The following LMX1B variants were observed in gnomAD, a reference collection of about 807,000 sequenced individuals.
LMX1B encodes LIM homeobox transcription factor 1-beta.
A neutral mutation model predicts 51.4 loss-of-function variants in LMX1B; 12 were observed. The ratio of observed to expected loss-of-function variants is 0.23; its 90% CI spans 0.15 to 0.38. The LOEUF is 0.38. Among genes scored for constraint, LMX1B ranks in the 10% least tolerant of loss-of-function variants. LMX1B has a pLI of 1.00. For missense variants in LMX1B, 445 were observed against 571.1 expected, an observed-to-expected ratio of 0.78 and a Z score of 2.25; for synonymous variants, 237 against 235.4, an observed-to-expected ratio of 1.01 and a Z score of -0.06.
At chr9:126,676,037 A>T (rs1836552584) in intron 2 of LMX1B, among the ~76,000 whole-genome samples, 1 of 144,428 alleles carries the variant, frequency 6.9e-6, no homozygotes, top group African/African-American at 2.7e-5. Flanking sequence ...CGACAGAGCG[A>T]GACTCCGTCT....
chr9:126,651,902 G>A lies in LMX1B; in HGVS notation c.326+36333G>A, dbSNP rs551954622. ...CTACAAGCCAGGGGCCTAGGTGGAG[G>A]ATCCCACAATCTAGTTTGAACAGGG... On this transcript the variant is annotated intron_variant, in intron 2 of 7. Coordinates refer to ENST00000373474, the MANE Select transcript of LMX1B (RefSeq NM_001174147.2). Among the ~76,000 whole-genome samples the A allele has an allele frequency of 7.9e-5, 12 of 152,150 alleles. No individual in the cohort carries two copies. The South Asian group carries it at 2.5e-3, about 32-fold the overall frequency.
rs1322506847 is a variant in LMX1B, at chr9:126,693,681, G to T, written c.820-65G>T. 4 of 1,594,758 alleles carry T rather than the reference G, an allele frequency of 2.5e-6. No homozygotes were observed. The Admixed American group carries it at 5.3e-5, about 21-fold the overall frequency. On this transcript the variant is annotated intron_variant, in intron 5 of 7. Transcript: ENST00000373474. ...GCAGCCAGAAGACTACGGTCCAGGG[G>T]GCGTGGGGCTGGCTGTGCCTGGGGG... is the stretch of plus-strand genomic sequence containing the variant.
chr9:126,647,726 C>A (rs1028580867), intron 2 of LMX1B, among the ~76,000 whole-genome samples: 1 of 152,238 alleles, frequency 6.6e-6, no homozygotes, highest in African/African-American at 2.4e-5. Context: ...GTGTGGAGCC[C>A]TGGCCCAAGC....
intron 2 of LMX1B, among the ~76,000 whole-genome samples, chr9:126,621,236 G>C (rs550189525): frequency 1.6e-4 from 25 of 152,194 alleles, no homozygotes; most frequent in Non-Finnish European, 3.7e-4. Flanking sequence ...CCAGGGGAGG[G>C]AGGAAGGGAG....
intron 2 of LMX1B, among the ~76,000 whole-genome samples, chr9:126,633,056 C>T (rs1198332507): frequency 2.0e-5 from 3 of 152,170 alleles, no homozygotes; most frequent in Non-Finnish European, 4.4e-5. Context: ...GCCCAGGAGG[C>T]GTCCCCTGGC....
At chr9:126,672,613 C>T (rs1356030943) in intron 2 of LMX1B, among the ~76,000 whole-genome samples, 3 of 152,112 alleles carry the variant, frequency 2.0e-5, no homozygotes, top group Admixed American at 6.5e-5. Context: ...GATGGAAAGC[C>T]GGGGCCCAGG....
chr9:126,693,102 C>A, intron 3 of LMX1B, 40 bp from the exon 4 acceptor site: 1 of 1,541,832 alleles, frequency 6.5e-7, no homozygotes, highest in South Asian at 1.2e-5. Context: ...CCTGGGCTGC[C>A]CCCGCCCCTT....
At chr9:126,630,306 A>G (rs572920349) in intron 2 of LMX1B, among the ~76,000 whole-genome samples, 105 of 152,130 alleles carry the variant, frequency 6.9e-4, no homozygotes, top group Middle Eastern at 3.4e-3. Flanking sequence ...GGGTGCCACA[A>G]CCTGCCCTTG....
Position 126,618,733 on chromosome 9 carries a change from C to T in LMX1B, c.326+3164C>T, listed in dbSNP as rs920589907. On this transcript the variant is annotated intron_variant, in intron 2 of 7. Transcript: ENST00000373474. The surrounding 1 kb of genome is among the most constrained non-coding windows in gnomAD (Gnocchi z 4.5). ...GTAACTCTCTTTTCTTGCCGTCTGT[C>T]GCTCGTCTGGAAAGGGTTTTTATCC... 6.6e-6 allele frequency among the ~76,000 whole-genome samples: 1 copy of T among 152,162 alleles called. No homozygotes were observed. Among genetic ancestry groups the T allele is most frequent in the African/African-American group, 2.4e-5 (1 of 41,428 alleles).
chr9:126,675,205 G>A (rs1469079267), intron 2 of LMX1B, among the ~76,000 whole-genome samples: 1 of 152,262 alleles, frequency 6.6e-6, no homozygotes, highest in South Asian at 2.1e-4. Flanking sequence ...AAACCAGGCC[G>A]GGAGGGGAAT....
chr9:126,646,328 CTACCTACCCATCCATCCAT>C (rs1835899973), intron 2 of LMX1B, among the ~76,000 whole-genome samples: 2 of 102,020 alleles, frequency 2.0e-5, no homozygotes, highest in African/African-American at 5.2e-5. Context: ...ATCCATCCAT[CTACCTACCCATCCATCCAT>C]CTACCTACCC....
At chr9:126,665,565 A>G (rs970340776) in intron 2 of LMX1B, among the ~76,000 whole-genome samples, 3 of 152,022 alleles carry the variant, frequency 2.0e-5, no homozygotes, top group African/African-American at 7.2e-5. Context: ...TACCAGAGAA[A>G]CAAAAGCGCC....
chr9:126,643,941 G>A (rs546123171), intron 2 of LMX1B, among the ~76,000 whole-genome samples: 26 of 152,204 alleles, frequency 1.7e-4, no homozygotes, highest in Admixed American at 5.2e-4. Context: ...ACTGAGGCTC[G>A]GGGTCAAGTG....
At chr9:126,628,917 C>A (rs1322019708) in intron 2 of LMX1B, among the ~76,000 whole-genome samples, 1 of 151,538 alleles carries the variant, frequency 6.6e-6, no homozygotes, top group African/African-American at 2.4e-5. Flanking sequence ...GATTATTGAG[C>A]TTTGAATATT....
At chr9:126,634,998 G>A (rs1435836544) in intron 2 of LMX1B, among the ~76,000 whole-genome samples, 2 of 152,192 alleles carry the variant, frequency 1.3e-5, no homozygotes, top group Non-Finnish European at 2.9e-5. Flanking sequence ...TGCCAGTGTG[G>A]CTCTGCAGAT....
At position 126,700,078 on chromosome 9, in the gene LMX1B, G is replaced by C. The variant is rs1404993438; in HGVS notation, c.*3627G>C. 6.6e-6 allele frequency: 1 copy of C among 152,230 alleles called. No homozygotes were observed. Among genetic ancestry groups the C allele is most frequent in the South Asian group, 2.1e-4 (1 of 4,832 alleles). 9.4% of individuals were successfully genotyped at this position (152,230 alleles called of 1,614,324 possible). A position where few individuals can be genotyped will look rare whatever the true frequency, so the allele number is the denominator to read the frequency against. ...GCCCCAGGTAACACAGGGCAGAGGAGGGACAAAAAGCTGGGCATGGCCCCA... is the reference window on the plus strand; with the variant it reads ...GCCCCAGGTAACACAGGGCAGAGGACGGACAAAAAGCTGGGCATGGCCCCA... On this transcript the variant is annotated 3_prime_UTR_variant, in exon 8 of 8. Coordinates refer to ENST00000373474, the MANE Select transcript of LMX1B (RefSeq NM_001174147.2).
At chr9:126,690,274 C>T (rs1426609857) in intron 2 of LMX1B, among the ~76,000 whole-genome samples, 2 of 152,172 alleles carry the variant, frequency 1.3e-5, no homozygotes, top group East Asian at 3.9e-4. Flanking sequence ...AGAAAGATCC[C>T]CCTGGCTCCT....
chr9:126,642,253 G>A (rs780805882), intron 2 of LMX1B, among the ~76,000 whole-genome samples: 123 of 152,264 alleles, frequency 8.1e-4, no homozygotes, highest in Admixed American at 1.6e-3. Context: ...ACCTGTGAGT[G>A]CATATGTGTG....
chr9:126,693,375 C>T, intron 4 of LMX1B, 52 bp downstream of exon 4: 3 of 1,568,952 alleles, frequency 1.9e-6, no homozygotes, highest in Non-Finnish European at 2.6e-6. Flanking sequence ...ACACCCACTG[C>T]CTTTCTGGAG....
Sources: gnomAD v4.1 joint callset for allele counts (sites outside exome capture counted in the v4.1 genomes callset) on GRCh38, gnomAD v4.1.1 for gene constraint, Gnocchi (gnomAD v3.1) non-coding constraint, MANE v1.5 for transcripts, NCBI Gene and HGNC (gene_info 2026-07-23, HGNC 2026-07-21) for gene names.